Variants in HAO1 observed in about 807,000 individuals in gnomAD.
HAO1 encodes the protein hydroxyacid oxidase 1.
In HAO1, 34 loss-of-function variants were observed where a neutral mutation model predicts 39.7. The ratio of observed to expected loss-of-function variants is 0.86; its 90% CI spans 0.65 to 1.14. The LOEUF (loss-of-function observed/expected upper bound fraction) is 1.14. Among genes scored for constraint, HAO1 ranks in the 50% most tolerant of loss-of-function variants. The pLI, the probability that HAO1 is intolerant of heterozygous loss-of-function variation, is 0.00. For synonymous variants in HAO1, 172 were observed against 173.2 expected (o/e 0.99, Z 0.05); for missense variants, 479 against 464.5 (o/e 1.03, Z -0.29).
Position 7,922,671 on chromosome 20 carries a change from C to A in HAO1, c.290-8252G>T, listed in dbSNP as rs569742571. On this transcript the variant is annotated intron_variant, in intron 2 of 7. Coordinates refer to ENST00000378789, the MANE Select transcript of HAO1 (RefSeq NM_017545.3). ...AGAACATGCTTTTCCCTATCCCCAC[C>A]CTAACCTGTTCACAAATTTCCATGG... Among the ~76,000 whole-genome samples, 10 of 152,136 alleles carry A rather than the reference C, an allele frequency of 6.6e-5. No individual in the cohort carries two copies. In the South Asian group the frequency reaches 2.1e-3, roughly 32 times the overall value.
In HAO1 at chr20:7,940,340, C is replaced by T. The variant is rs2050435262; in HGVS notation, c.83G>A (p.Arg28Lys). The change falls in exon 1 of 8, where the codon AGG becomes AAG. Residue 28 changes from arginine to lysine, a missense_variant. By Grantham distance (26) the Arg-to-Lys change is conservative. Coordinates refer to ENST00000378789, the MANE Select transcript of HAO1 (RefSeq NM_017545.3). ...VLPKSIYDYY[R>K]SGANDEETLA... is the part of the protein sequence containing the mutation. The stretch of plus-strand genomic sequence containing the variant: ...AGTTTCTTCATCATTTGCCCCAGAC[C>T]TGTAATAGTCATATATAGACTTTGG... The T allele has an allele frequency of 6.2e-7, 1 of 1,611,358 alleles. No individual in the cohort carries two copies. Among genetic ancestry groups the T allele is most frequent in the African/African-American group, 1.3e-5 (1 of 74,864 alleles).
At chr20:7,927,264 C>A (rs2050363646) in intron 2 of HAO1, among the ~76,000 whole-genome samples, 1 of 152,022 alleles carries the variant, frequency 6.6e-6, no homozygotes, top group African/African-American at 2.4e-5. Flanking sequence ...CCTAATGATA[C>A]CACCTATTTT....
chr20:7,923,904 C>T (rs2050346613), intron 2 of HAO1, among the ~76,000 whole-genome samples: 1 of 152,028 alleles, frequency 6.6e-6, no homozygotes, highest in African/African-American at 2.4e-5. Flanking sequence ...GTGTGATGTC[C>T]TGAGCAAAGT....
At chr20:7,901,909 G>A (rs561133260) in intron 4 of HAO1, among the ~76,000 whole-genome samples, 13 of 152,300 alleles carry the variant, frequency 8.5e-5, no homozygotes, top group African/African-American at 2.9e-4. Context: ...ACTTTGAGGA[G>A]TTGAAGACTA....
intron 4 of HAO1, among the ~76,000 whole-genome samples, chr20:7,896,283 G>A (rs1338778928): frequency 2.6e-5 from 4 of 152,064 alleles, no homozygotes; most frequent in African/African-American, 9.7e-5. Context: ...CTGGTTCTCA[G>A]GTTTAACATT....
intron 5 of HAO1, among the ~76,000 whole-genome samples, chr20:7,890,733 G>A (rs1329576097): frequency 6.6e-6 from 1 of 151,796 alleles, no homozygotes; most frequent in Non-Finnish European, 1.5e-5. Context: ...AATGTCCATT[G>A]TATCATTCTT....
At chr20:7,914,847 AG>A (rs1322241100) in intron 2 of HAO1, among the ~76,000 whole-genome samples, 1 of 152,212 alleles carries the variant, frequency 6.6e-6, no homozygotes, top group African/African-American at 2.4e-5. Flanking sequence ...TGCTGGGCAC[AG>A]TGGCTCACGC....
At chr20:7,885,962 A>G (rs2122746077) in intron 5 of HAO1, 98 bp from the exon 6 acceptor site, 1 of 973,230 alleles carries the variant, frequency 1.0e-6, no homozygotes, top group South Asian at 1.6e-5. Flanking sequence ...TAGGGCTTAG[A>G]GTGAAAGAAG....
At chr20:7,909,961 C>T (rs2050269921) in intron 3 of HAO1, among the ~76,000 whole-genome samples, 1 of 152,142 alleles carries the variant, frequency 6.6e-6, no homozygotes, top group Non-Finnish European at 1.5e-5. Flanking sequence ...ATTTCTTCCT[C>T]AATGTGGCTG....
At chr20:7,908,778 A>G (rs1198463480) in intron 3 of HAO1, among the ~76,000 whole-genome samples, 1 of 152,112 alleles carries the variant, frequency 6.6e-6, no homozygotes, top group Non-Finnish European at 1.5e-5. Flanking sequence ...TTTAAATCAA[A>G]CCACTTAGGA....
intron 2 of HAO1, among the ~76,000 whole-genome samples, chr20:7,928,254 C>G (rs6055400): frequency 0.56 from 85,402 of 152,016 alleles, 27,175 homozygotes; most frequent in East Asian, 0.99. Context: ...ATAGTGCAGT[C>G]GAAAGAAGTG....
chr20:7,932,898 C>A (rs1381214017), intron 2 of HAO1, among the ~76,000 whole-genome samples: 2 of 152,048 alleles, frequency 1.3e-5, no homozygotes, highest in African/African-American at 4.8e-5. Context: ...ATTTTTAGAG[C>A]TTTGATATAC....
chr20:7,897,178 G>C (rs1188224439), intron 4 of HAO1, among the ~76,000 whole-genome samples: 2 of 152,138 alleles, frequency 1.3e-5, no homozygotes, highest in African/African-American at 4.8e-5. Context: ...CTGATGCAAG[G>C]ACTGACACCA....
chr20:7,900,102 A>G (rs2050214821), intron 4 of HAO1, among the ~76,000 whole-genome samples: 1 of 152,206 alleles, frequency 6.6e-6, no homozygotes, highest in Admixed American at 6.5e-5. Context: ...TCCCGGACAC[A>G]TGACAGCAAT....
At chr20:7,894,635 C>T (rs1246934504) in intron 5 of HAO1, among the ~76,000 whole-genome samples, 5 of 152,062 alleles carry the variant, frequency 3.3e-5, no homozygotes, top group Non-Finnish European at 7.4e-5. Context: ...TTCTCCTTTT[C>T]CCAACTCTCC....
chr20:7,916,035 G>A (rs928318143), intron 2 of HAO1, among the ~76,000 whole-genome samples: 1 of 152,052 alleles, frequency 6.6e-6, no homozygotes, highest in African/African-American at 2.4e-5. Flanking sequence ...TTTTGAGCAA[G>A]GTAGCAGTTA....
intron 4 of HAO1, among the ~76,000 whole-genome samples, chr20:7,903,555 T>TAGAAACCAAAATATTTTTCAACATAACA (rs2050231512): frequency 7.1e-6 from 1 of 140,322 alleles, no homozygotes; most frequent in South Asian, 2.4e-4. Context: ...GGTGGTTGTC[T>TAGAAACCAAAATATTTTTCAACATAACA]TGGTAATGGT....
At chr20:7,923,452 G>A (rs376390532) in intron 2 of HAO1, among the ~76,000 whole-genome samples, 2 of 152,114 alleles carry the variant, frequency 1.3e-5, no homozygotes, top group East Asian at 1.9e-4. Flanking sequence ...TGCATACTAA[G>A]CCTGCCTGTC....
At chr20:7,923,934 G>A (rs1364061624) in intron 2 of HAO1, among the ~76,000 whole-genome samples, 1 of 152,166 alleles carries the variant, frequency 6.6e-6, no homozygotes, top group Non-Finnish European at 1.5e-5. Flanking sequence ...TTGAAAACGG[G>A]AGGGAAATAT....
Sources: gnomAD v4.1 joint callset for allele counts (sites outside exome capture counted in the v4.1 genomes callset) on GRCh38, gnomAD v4.1.1 for gene constraint, MANE v1.5 for transcripts, NCBI Gene and HGNC (gene_info 2026-07-23, HGNC 2026-07-21) for gene names.